Variants in IKZF1 observed in about 807,000 individuals in gnomAD.
IKZF1 encodes the protein IKAROS family zinc finger 1.
A neutral mutation model predicts 51.7 loss-of-function variants in IKZF1; 10 were observed. The observed-to-expected ratio is 0.19, with a 90% confidence interval of 0.12 to 0.33. The LOEUF is 0.33. IKZF1 is among the 10% of genes least tolerant of loss of function. The pLI is 1.00. For synonymous variants in IKZF1, 280 were observed against 282.3 expected (o/e 0.99, Z 0.08); for missense variants, 484 against 707.5 (o/e 0.68, Z 3.58).
chr7:50,327,573 G>C, intron 2 of IKZF1, 65 bp from the exon 3 acceptor site: 1 of 1,506,968 alleles, frequency 6.6e-7, no homozygotes. Flanking sequence ...CAAGCCAAAA[G>C]CCGGGGGAAG....
At position 50,391,890 on chromosome 7, in the gene IKZF1, TA is replaced by T. The variant is rs534807777; in HGVS notation, c.850+36del. On this transcript the variant is annotated intron_variant, in intron 7 of 7. Transcript: ENST00000331340. ...TAAGAGTTAAATGTTTGCTGTCTCTTAAAAAAAAACTATGTGGGTGTTTTAG... is the reference window on the plus strand; with the variant it reads ...TAAGAGTTAAATGTTTGCTGTCTCTTAAAAAAAACTATGTGGGTGTTTTAG... 3.6e-4 allele frequency: 570 copies of T among 1,581,318 alleles called. 1 individual carries two copies. The African/African-American group carries it at 6.3e-3, about 17-fold the overall frequency.
At chr7:50,318,028 A>G (rs1792030619) in intron 1 of IKZF1, among the ~76,000 whole-genome samples, 1 of 152,232 alleles carries the variant, frequency 6.6e-6, no homozygotes, top group African/African-American at 2.4e-5. Flanking sequence ...AAAGTCATAT[A>G]CCAGAGCATA....
intron 3 of IKZF1, among the ~76,000 whole-genome samples, chr7:50,352,724 G>A (rs1802170450): frequency 6.6e-6 from 1 of 152,026 alleles, no homozygotes; most frequent in Non-Finnish European, 1.5e-5. Context: ...AGTTTTTGTT[G>A]TGCTTCTATC....
intron 2 of IKZF1, among the ~76,000 whole-genome samples, chr7:50,326,348 C>G (rs1795013263): frequency 1.3e-5 from 2 of 152,248 alleles, no homozygotes; most frequent in South Asian, 4.1e-4. Context: ...CAGGCACACT[C>G]TCCCAGGCTG....
chr7:50,337,162 A>G (rs1021683676), intron 3 of IKZF1, among the ~76,000 whole-genome samples: 34,462 of 151,924 alleles, frequency 0.23, 4,717 homozygotes, highest in African/African-American at 0.39. Context: ...GCTGTCAGGC[A>G]TCAGGAACCA....
chr7:50,359,111 A>C (rs917239639), intron 3 of IKZF1, among the ~76,000 whole-genome samples: 3 of 152,040 alleles, frequency 2.0e-5, no homozygotes, highest in African/African-American at 7.2e-5. Flanking sequence ...AAATACAAAA[A>C]TTAGCTGGGC....
chr7:50,310,736 G>A (rs1050303824), intron 1 of IKZF1, among the ~76,000 whole-genome samples: 1 of 152,316 alleles, frequency 6.6e-6, no homozygotes, highest in Admixed American at 6.5e-5. Flanking sequence ...GAACTTTCTT[G>A]CTAACAGGAT....
At chr7:50,343,742 G>A (rs1175648901) in intron 3 of IKZF1, among the ~76,000 whole-genome samples, 1 of 152,228 alleles carries the variant, frequency 6.6e-6, no homozygotes, top group Non-Finnish European at 1.5e-5. Flanking sequence ...CAGCACACAT[G>A]CCTGGAAGAC....
At position 50,376,945 on chromosome 7, in the gene IKZF1, G is replaced by A; in HGVS notation, c.421+152G>A. 1 of 1,302,582 alleles carries A rather than the reference G, an allele frequency of 7.7e-7. No individual in the cohort carries two copies. Among genetic ancestry groups the A allele is most frequent in the South Asian group, 1.6e-5 (1 of 64,444 alleles). 80.7% of individuals were successfully genotyped at this position (1,302,582 alleles called of 1,614,324 possible). On this transcript the variant is annotated intron_variant, in intron 4 of 7. Transcript: ENST00000331340. This position sits in a 1 kb window ranked among gnomAD's most constrained non-coding sequence, Gnocchi z 4.5. ...AGCGATTGGTTCCAAGTGGTACCGA[G>A]TCATAGAGTCCTTGTTCTGGTACAG...
intron 3 of IKZF1, among the ~76,000 whole-genome samples, chr7:50,336,647 C>A (rs1265867932): frequency 6.6e-6 from 1 of 152,188 alleles, no homozygotes; most frequent in East Asian, 1.9e-4. Context: ...GGCATCTCAG[C>A]AGCCCCGTGG....
chr7:50,337,526 T>C (rs1241207431), intron 3 of IKZF1, among the ~76,000 whole-genome samples: 3 of 152,182 alleles, frequency 2.0e-5, no homozygotes, highest in Non-Finnish European at 4.4e-5. Flanking sequence ...AGCAGCAACG[T>C]CACCACTCGT....
Position 50,403,725 on chromosome 7 carries a change from C to G in IKZF1, c.*3098C>G. The G allele has an allele frequency of 4.4e-6, 1 of 228,684 alleles. No individual in the cohort carries two copies. Among genetic ancestry groups the G allele is most frequent in the Non-Finnish European group, 8.7e-6 (1 of 115,074 alleles). The allele number at this position is 228,684 out of a possible 1,614,324, so 14.2% of individuals were successfully genotyped here. On this transcript the variant is annotated 3_prime_UTR_variant, in exon 8 of 8. Transcript: ENST00000331340. ...TGTTCCATTTCCAATTTAGAATTAGCCACATAATAAAATCTTAGAATCTTC... is the reference window on the plus strand; with the variant it reads ...TGTTCCATTTCCAATTTAGAATTAGGCACATAATAAAATCTTAGAATCTTC...
chr7:50,385,709 A>T (rs1218922493), intron 5 of IKZF1, among the ~76,000 whole-genome samples: 1 of 152,266 alleles, frequency 6.6e-6, no homozygotes, highest in Non-Finnish European at 1.5e-5. Context: ...CTATTTGATC[A>T]TGGAATTTAC....
At chr7:50,339,411 CA>C (rs1798546580) in intron 3 of IKZF1, among the ~76,000 whole-genome samples, 1 of 152,080 alleles carries the variant, frequency 6.6e-6, no homozygotes, top group Non-Finnish European at 1.5e-5. Context: ...ATATTCTAAA[CA>C]AAACACATCT....
intron 1 of IKZF1, 100 bp from the exon 2 acceptor site, chr7:50,318,948 C>A (rs1792338979): frequency 2.8e-6 from 2 of 714,138 alleles, no homozygotes; most frequent in Non-Finnish European, 4.9e-6. Context: ...TGCTAGATAA[C>A]CTTGTTGTTA....
intron 5 of IKZF1, among the ~76,000 whole-genome samples, chr7:50,383,187 C>T (rs184974408): frequency 1.5e-3 from 223 of 152,298 alleles, no homozygotes; most frequent in Non-Finnish European, 1.2e-3. Context: ...CGCACCCACC[C>T]AGACTGAGCC....
chr7:50,401,784 T>C lies in IKZF1; in HGVS notation c.*1157T>C, dbSNP rs1818172382. 4.5e-6 allele frequency: 1 copy of C among 221,414 alleles called. No individual in the cohort carries two copies. Among genetic ancestry groups the C allele is most frequent in the African/African-American group, 2.2e-5 (1 of 44,698 alleles). The allele number at this position is 221,414 out of a possible 1,614,324, so 13.7% of individuals were successfully genotyped here. On this transcript the variant is annotated 3_prime_UTR_variant, in exon 8 of 8. Transcript: ENST00000331340. ...GAGTGATTTAGAACAGTCATTAATT[T>C]TCAACTCAATGAAATATGTGAAGCC...
At chr7:50,362,886 C>T (rs532522378) in intron 3 of IKZF1, among the ~76,000 whole-genome samples, 1 of 152,116 alleles carries the variant, frequency 6.6e-6, no homozygotes, top group East Asian at 1.9e-4. Flanking sequence ...AACTCACATG[C>T]CAGACGGTGG....
intron 7 of IKZF1, among the ~76,000 whole-genome samples, chr7:50,393,180 A>G (rs1005103954): frequency 1.3e-5 from 2 of 152,162 alleles, no homozygotes; most frequent in Non-Finnish European, 2.9e-5. Context: ...TGTCAGAGGA[A>G]CATAGGGCTG....
Sources: allele counts gnomAD v4.1 joint callset (sites outside exome capture counted in the v4.1 genomes callset), GRCh38; gene constraint gnomAD v4.1.1; non-coding constraint Gnocchi (gnomAD v3.1); transcripts MANE v1.5; gene names NCBI Gene and HGNC (gene_info 2026-07-23, HGNC 2026-07-21).